HECA: variants seen among roughly 807,000 people sequenced by gnomAD.
HECA encodes the protein HECA ribonucleoprotein granule regulator.
A neutral mutation model predicts 37.6 loss-of-function variants in HECA; 13 were observed. The observed-to-expected ratio is 0.35, with a 90% CI of 0.23 to 0.55. The LOEUF (loss-of-function observed/expected upper bound fraction) is 0.55, where lower values mean the gene tolerates loss of function less well. Among genes scored for constraint, HECA ranks in the 20% least tolerant of loss-of-function variants. The pLI is 0.90. For missense variants in HECA, 527 were observed against 701.9 expected, an observed-to-expected ratio of 0.75 and a Z score of 2.82; for synonymous variants, 307 against 291.5, an observed-to-expected ratio of 1.05 and a Z score of -0.54.
At chr6:139,171,060 G>T (rs368621662) in intron 2 of HECA, among the ~76,000 whole-genome samples, 1 of 152,122 alleles carries the variant, frequency 6.6e-6, no homozygotes, top group Admixed American at 6.5e-5. Flanking sequence ...CTGGTTTTGC[G>T]GGCAGAAGAT....
chr6:139,147,486 G>A (rs1037951725), intron 1 of HECA, among the ~76,000 whole-genome samples: 2 of 152,104 alleles, frequency 1.3e-5, no homozygotes, highest in South Asian at 4.1e-4. Context: ...TTAGCCGGAT[G>A]TGGTGATGTG....
rs78232326 is a variant in HECA at position 139,147,949 on chromosome 6, G to T, written c.271+12282G>T. On this transcript the variant is annotated intron_variant, in intron 1 of 3. Coordinates refer to ENST00000367658, the MANE Select transcript of HECA (RefSeq NM_016217.3). ...CCATCAGTGGTGGTGCAGTTCCTTC[G>T]CACTCTGTAATGTAAATTTCGATTA... Among the ~76,000 whole-genome samples the T allele has an allele frequency of 2.0e-4, 30 of 152,266 alleles. No individual in the cohort carries two copies. In the East Asian group the frequency reaches 5.0e-3, roughly 25 times the overall value.
At chr6:139,144,172 A>C (rs1188276640) in intron 1 of HECA, 1 of 152,172 alleles carries the variant, frequency 6.6e-6, no homozygotes, top group Admixed American at 6.5e-5. Flanking sequence ...CTCATTCATT[A>C]GATCCTAATT....
chr6:139,180,661 C>T lies in HECA; in HGVS notation c.*3556C>T, dbSNP rs1197113331. 1 of 152,536 alleles carries T rather than the reference C, an allele frequency of 6.6e-6. No homozygotes were observed. The highest frequency in any genetic ancestry group is 1.5e-5 in the Non-Finnish European group (1 of 68,018). The allele number at this position is 152,536 out of a possible 1,614,324, so 9.4% of individuals were successfully genotyped here. The stretch of plus-strand genomic sequence containing the variant: ...TTTCTTGTCAAGATGTCTTGGATTG[C>T]ACTTTTGTTGAGGAAAGACAGTGTA... On this transcript the variant is annotated 3_prime_UTR_variant, in exon 4 of 4. Coordinates refer to ENST00000367658, the MANE Select transcript of HECA (RefSeq NM_016217.3).
intron 1 of HECA, among the ~76,000 whole-genome samples, chr6:139,136,473 A>C (rs1774438020): frequency 6.6e-6 from 1 of 151,998 alleles, no homozygotes; most frequent in African/African-American, 2.4e-5. Flanking sequence ...CTGGGCAAAC[A>C]CTTACTTATT....
chr6:139,136,537 A>G, intron 1 of HECA, among the ~76,000 whole-genome samples: 1 of 152,120 alleles, frequency 6.6e-6, no homozygotes, highest in South Asian at 2.1e-4. Context: ...AAGACAACGT[A>G]GGTATTTTAA....
At chr6:139,149,479 CTGTT>C (rs983821817) in intron 1 of HECA, among the ~76,000 whole-genome samples, 22 of 152,304 alleles carry the variant, frequency 1.4e-4, no homozygotes, top group African/African-American at 5.1e-4. Flanking sequence ...TTTTGGTTCT[CTGTT>C]TGTAATGTGG....
intron 1 of HECA, among the ~76,000 whole-genome samples, chr6:139,141,960 T>C (rs1430588654): frequency 1.3e-4 from 16 of 127,672 alleles, no homozygotes; most frequent in African/African-American, 5.0e-4. Flanking sequence ...GGAGTGTCGC[T>C]CTGTCGCCCA....
At chr6:139,164,124 G>C (rs993079822) in intron 1 of HECA, among the ~76,000 whole-genome samples, 2 of 151,032 alleles carry the variant, frequency 1.3e-5, no homozygotes, top group African/African-American at 4.9e-5. Flanking sequence ...CACTGCTCCT[G>C]AAGCACAGGC....
intron 1 of HECA, among the ~76,000 whole-genome samples, chr6:139,148,939 C>T (rs1270759024): frequency 6.6e-6 from 1 of 152,084 alleles, no homozygotes; most frequent in Non-Finnish European, 1.5e-5. Flanking sequence ...GACTTTGACA[C>T]TTGTAGATAA....
At chr6:139,165,525 C>G (rs930023216) in intron 1 of HECA, among the ~76,000 whole-genome samples, 2 of 151,582 alleles carry the variant, frequency 1.3e-5, no homozygotes, top group African/African-American at 2.4e-5. Context: ...GGAATAGATT[C>G]ACTTCCCTAA....
intron 1 of HECA, among the ~76,000 whole-genome samples, chr6:139,142,778 T>C (rs1040699374): frequency 6.6e-6 from 1 of 152,056 alleles, no homozygotes; most frequent in African/African-American, 2.4e-5. Context: ...AAACCCTGTT[T>C]CTCTACTAAA....
At chr6:139,137,791 C>G (rs1774468196) in intron 1 of HECA, among the ~76,000 whole-genome samples, 3 of 151,852 alleles carry the variant, frequency 2.0e-5, no homozygotes, top group African/African-American at 7.3e-5. Context: ...GTTAAGGGGC[C>G]CCTATTATTA....
intron 1 of HECA, among the ~76,000 whole-genome samples, chr6:139,160,804 G>A (rs1168466604): frequency 1.3e-5 from 2 of 152,216 alleles, no homozygotes; most frequent in Admixed American, 6.5e-5. Context: ...TATCTGGGGA[G>A]TGAAATACAG....
At position 139,176,228 on chromosome 6, in the gene HECA, C is replaced by T. The variant is rs1002590665; in HGVS notation, c.1468-713C>T. Among the ~76,000 whole-genome samples the T allele has an allele frequency of 8.5e-5, 13 of 152,216 alleles. No homozygotes were observed. The highest frequency in any genetic ancestry group is 3.1e-4 in the African/African-American group (13 of 41,448). On this transcript the variant is annotated intron_variant, in intron 3 of 3. Coordinates refer to ENST00000367658, the MANE Select transcript of HECA (RefSeq NM_016217.3). This position sits in a 1 kb window ranked among gnomAD's most constrained non-coding sequence, Gnocchi z 4.5. ...TCTAACCATGGTCTTTGGCATGGTG[C>T]TTTATCACATGTGCCTCAGTTGCAT...
intron 2 of HECA, among the ~76,000 whole-genome samples, chr6:139,171,340 G>C (rs1337224700): frequency 1.3e-5 from 2 of 152,156 alleles, no homozygotes; most frequent in Non-Finnish European, 2.9e-5. Context: ...TTGTGTGTGC[G>C]TATATATACA....
At chr6:139,156,903 G>C (rs2149045) in intron 1 of HECA, among the ~76,000 whole-genome samples, 108,286 of 152,164 alleles carry the variant, frequency 0.71, 39,830 homozygotes, top group African/African-American at 0.86. Flanking sequence ...TGTTACAGGA[G>C]AGGGGTCCTG....
At chr6:139,144,470 G>C (rs1269946229) in intron 1 of HECA, 1 of 152,528 alleles carries the variant, frequency 6.6e-6, no homozygotes, top group African/African-American at 2.4e-5. Flanking sequence ...CCAAACAGAG[G>C]GAAGTGAAAA....
chr6:139,160,329 G>A (rs148387012), intron 1 of HECA, among the ~76,000 whole-genome samples: 7 of 152,280 alleles, frequency 4.6e-5, no homozygotes, highest in Non-Finnish European at 5.9e-5. Flanking sequence ...AGATTAATGC[G>A]CCAAGGGAAG....
Sources: gnomAD v4.1 joint callset for allele counts (sites outside exome capture counted in the v4.1 genomes callset) on GRCh38, gnomAD v4.1.1 for gene constraint, Gnocchi (gnomAD v3.1) non-coding constraint, MANE v1.5 for transcripts, NCBI Gene and HGNC (gene_info 2026-07-23, HGNC 2026-07-21) for gene names.